ANKRD28: variants seen among roughly 807,000 people sequenced by gnomAD.
ANKRD28 encodes the protein ankyrin repeat domain 28, also known as serine/threonine-protein phosphatase 6 regulatory ankyrin repeat subunit A.
ANKRD28 carries 44 observed loss-of-function variants against 126.5 expected under a neutral mutation model. The observed-to-expected ratio is 0.35, with a 90% CI of 0.27 to 0.45. The LOEUF is 0.45. Ranked by LOEUF, ANKRD28 falls within the 20% of genes least tolerant of loss-of-function variation. The pLI, the probability that ANKRD28 is intolerant of heterozygous loss-of-function variation, is 1.00. For missense variants in ANKRD28, 1,110 were observed against 1,316.6 expected (o/e 0.84, Z 2.43); for synonymous variants, 442 against 468.5 (o/e 0.94, Z 0.73).
upstream of ANKRD28, among the ~76,000 whole-genome samples, chr3:15,798,345 A>C (rs910342748): frequency 2.6e-5 from 4 of 152,204 alleles, no homozygotes; most frequent in African/African-American, 9.6e-5. Context: ...GATTATAAAA[A>C]CCATGAAATT....
intron 2 of ANKRD28, among the ~76,000 whole-genome samples, chr3:15,779,211 C>T (rs1336530530): frequency 5.3e-5 from 8 of 151,972 alleles, no homozygotes; most frequent in Admixed American, 6.6e-5. Flanking sequence ...AAGCTTAAGA[C>T]GAGGCAAAGG....
chr3:15,685,981 A>G (rs144141033), intron 20 of ANKRD28, 21 bp downstream of exon 20: 8 of 1,595,178 alleles, frequency 5.0e-6, no homozygotes, highest in Non-Finnish European at 6.9e-6. Context: ...TTTTGAAAGG[A>G]AAGAGCATAT....
chr3:15,747,004 T>C (rs934729006), intron 4 of ANKRD28, among the ~76,000 whole-genome samples: 5 of 152,192 alleles, frequency 3.3e-5, no homozygotes, highest in Admixed American at 3.3e-4. Flanking sequence ...CACATTAGCC[T>C]TGGATAATCT....
intron 2 of ANKRD28, among the ~76,000 whole-genome samples, chr3:15,783,202 A>G (rs2059616666): frequency 6.6e-6 from 1 of 152,040 alleles, no homozygotes; most frequent in South Asian, 2.1e-4. Flanking sequence ...TGAAAACTCA[A>G]GAGTAAGAAA....
chr3:15,776,113 T>C (rs2059254613), intron 2 of ANKRD28, among the ~76,000 whole-genome samples: 1 of 152,222 alleles, frequency 6.6e-6, no homozygotes, highest in African/African-American at 2.4e-5. Flanking sequence ...AACTGGACTA[T>C]GTCCAAATAA....
chr3:15,842,735 A>G (rs2061449517), intron 1 of ANKRD28, among the ~76,000 whole-genome samples: 1 of 152,188 alleles, frequency 6.6e-6, no homozygotes, highest in African/African-American at 2.4e-5. Flanking sequence ...CAAAAGCTAA[A>G]AACAAAAATT....
At chr3:15,740,816 AGAC>A (rs749136232) in intron 4 of ANKRD28, among the ~76,000 whole-genome samples, 14 of 152,196 alleles carry the variant, frequency 9.2e-5, no homozygotes, top group Non-Finnish European at 1.5e-4. Flanking sequence ...CACCTAAATA[AGAC>A]AATAAACATA....
intron 1 of ANKRD28, among the ~76,000 whole-genome samples, chr3:15,825,334 C>G (rs776135040): frequency 6.6e-6 from 1 of 152,288 alleles, no homozygotes; most frequent in East Asian, 1.9e-4. Context: ...TACTGTACAA[C>G]GCTAATTTTT....
chr3:15,757,616 G>A (rs773903290), intron 3 of ANKRD28, among the ~76,000 whole-genome samples: 5 of 152,052 alleles, frequency 3.3e-5, no homozygotes, highest in Admixed American at 6.6e-5. Flanking sequence ...GCCCAAGAGC[G>A]CTCCCTCACC....
chr3:15,793,758 C>T (rs967852083), intron 2 of ANKRD28, among the ~76,000 whole-genome samples: 1 of 152,150 alleles, frequency 6.6e-6, no homozygotes, highest in African/African-American at 2.4e-5. Context: ...AGTAGCCAGA[C>T]ACTTCATTTA....
chr3:15,778,209 T>G (rs548185389), intron 2 of ANKRD28, among the ~76,000 whole-genome samples: 33 of 152,344 alleles, frequency 2.2e-4, no homozygotes, highest in Non-Finnish European at 4.1e-4. Flanking sequence ...ACTCTGGAGA[T>G]AGGAATCTTG....
At chr3:15,779,502 G>A (rs2059444765) in intron 2 of ANKRD28, among the ~76,000 whole-genome samples, 2 of 152,222 alleles carry the variant, frequency 1.3e-5, no homozygotes, top group Non-Finnish European at 2.9e-5. Flanking sequence ...TACCAGGGCA[G>A]ACAATATGGA....
intron 1 of ANKRD28, among the ~76,000 whole-genome samples, chr3:15,813,580 T>C (rs903777011): frequency 6.6e-6 from 1 of 152,190 alleles, no homozygotes; most frequent in Non-Finnish European, 1.5e-5. Context: ...TACTGGGCCA[T>C]AATTTTCTCC....
rs1195132737 is a variant in ANKRD28 at position 15,721,107 on chromosome 3, A to G, written c.804T>C (p.Tyr268=). The G allele has an allele frequency of 1.9e-6, 3 of 1,612,050 alleles. No homozygotes were observed. The highest frequency in any genetic ancestry group is 2.5e-6 in the Non-Finnish European group (3 of 1,179,286). The change falls in exon 8 of 28, where the codon TAT becomes TAC. Residue 268 remains tyrosine (Y), a synonymous_variant. Coordinates refer to ENST00000683139, the MANE Select transcript of ANKRD28 (RefSeq NM_001349278.2). Reference sequence around the variant, plus strand: ...AGGCTACATGAAGAGGTGTATTTCCATAGGCATTTGGTTCATTCATCTATT... The same window carrying G: ...AGGCTACATGAAGAGGTGTATTTCCGTAGGCATTTGGTTCATTCATCTATT... ...LGVDMNEPNA[Y]GNTPLHVACY...
At chr3:15,767,761 G>A (rs1431091665) in intron 2 of ANKRD28, among the ~76,000 whole-genome samples, 2 of 135,550 alleles carry the variant, frequency 1.5e-5, no homozygotes, top group Non-Finnish European at 3.1e-5. Context: ...GGTGGCGGGT[G>A]CCTGTAGTCC....
chr3:15,834,159 T>C (rs2061270541), intron 1 of ANKRD28, among the ~76,000 whole-genome samples: 1 of 152,166 alleles, frequency 6.6e-6, no homozygotes, highest in Admixed American at 6.5e-5. Flanking sequence ...CCAGAATTTT[T>C]CTCAGGTTTT....
At chr3:15,741,204 A>AAAAAAC (rs2075443860) in intron 4 of ANKRD28, among the ~76,000 whole-genome samples, 5 of 145,108 alleles carry the variant, frequency 3.4e-5, no homozygotes, top group Non-Finnish European at 7.4e-5. Context: ...ATCTCAAAAA[A>AAAAAAC]AAAAAACAAA....
chr3:15,756,358 A>G (rs2058154446), intron 3 of ANKRD28: 1 of 290,908 alleles, frequency 3.4e-6, no homozygotes, highest in Admixed American at 6.5e-5. Context: ...TATTTCACCC[A>G]TATAAAAGTG....
intron 2 of ANKRD28, among the ~76,000 whole-genome samples, chr3:15,773,986 A>G (rs1187747240): frequency 1.3e-5 from 2 of 152,192 alleles, no homozygotes; most frequent in African/African-American, 4.8e-5. Context: ...TGACCAGAGC[A>G]GAGTCTAGAA....
Sources: allele counts gnomAD v4.1 joint callset (sites outside exome capture counted in the v4.1 genomes callset), GRCh38; gene constraint gnomAD v4.1.1; transcripts MANE v1.5; gene names NCBI Gene and HGNC (gene_info 2026-07-23, HGNC 2026-07-21).